The following PRDM16 variants were observed in gnomAD, a reference collection of about 807,000 sequenced individuals.
PRDM16 encodes PR/SET domain 16, also known as histone-lysine N-methyltransferase PRDM16.
A neutral mutation model predicts 110.6 loss-of-function variants in PRDM16; 23 were observed. That is an observed-to-expected ratio of 0.21 (90% CI 0.15 to 0.29). PRDM16 has a LOEUF of 0.29. Ranked by LOEUF, PRDM16 falls within the 10% of genes least tolerant of loss-of-function variation. The pLI, the probability that PRDM16 is intolerant of heterozygous loss-of-function variation, is 1.00. For missense variants in PRDM16, 1,615 were observed against 1,794.3 expected, an observed-to-expected ratio of 0.90 and a Z score of 1.81; for synonymous variants, 799 against 781.8, an observed-to-expected ratio of 1.02 and a Z score of -0.37.
At chr1:3,427,942 G>C (rs537665924) in intron 14 of PRDM16, among the ~76,000 whole-genome samples, 31 of 152,152 alleles carry the variant, frequency 2.0e-4, no homozygotes, top group Admixed American at 3.9e-4. Context: ...CTGCAGCTGC[G>C]TGTCAGACCC....
At chr1:3,321,454 G>C (rs1355042845) in intron 3 of PRDM16, among the ~76,000 whole-genome samples, 2 of 151,526 alleles carry the variant, frequency 1.3e-5, no homozygotes, top group Non-Finnish European at 2.9e-5. Context: ...GTGTTTGTGG[G>C]GGGCACATGT....
chr1:3,411,919 G>T lies in PRDM16; in HGVS notation c.1722G>T (p.Gly574=), dbSNP rs1306848691. The T allele has an allele frequency of 1.2e-6, 2 of 1,613,618 alleles. No individual in the cohort carries two copies. The highest frequency in any genetic ancestry group is 1.7e-6 in the Non-Finnish European group (2 of 1,179,912). Residue 574 remains glycine, a synonymous_variant, in exon 9 of 17, where the codon GGG becomes GGT. Transcript: ENST00000270722. ...NSSQGTTAAA[G]PEEKFESRLE... ...GCCAGGGCACGACGGCAGCTGCGGG[G>T]CCCGAGGAGAAGTTCGAGAGCCGCC...
intron 3 of PRDM16, among the ~76,000 whole-genome samples, chr1:3,381,084 T>C (rs1001028017): frequency 6.6e-6 from 1 of 152,186 alleles, no homozygotes; most frequent in Non-Finnish European, 1.5e-5. Context: ...CGCTTCAATG[T>C]CCTCCTGCTG....
chr1:3,082,376 A>G (rs980531531), intron 1 of PRDM16, among the ~76,000 whole-genome samples: 3 of 152,194 alleles, frequency 2.0e-5, no homozygotes, highest in Non-Finnish European at 4.4e-5. Flanking sequence ...CCCATCTGCA[A>G]CTGGACTCAG....
intron 1 of PRDM16, among the ~76,000 whole-genome samples, chr1:3,129,997 C>T (rs776288728): frequency 2.0e-5 from 3 of 152,216 alleles, no homozygotes; most frequent in Non-Finnish European, 4.4e-5. Flanking sequence ...ACCAGCTGGG[C>T]TGGGAGGGCA....
In PRDM16 at chr1:3,425,719, C is replaced by T. The variant is rs201430814; in HGVS notation, c.3078C>T (p.His1026=). ...CFGQQTNLDR[H]LKKHEHENAP... ...GGCAGCAGACCAACCTGGACCGGCA[C>T]CTCAAGAAGCACGAGCACGAGAACG... The change falls in exon 13 of 17, where the codon CAC becomes CAT. Residue 1026 remains histidine, a synonymous_variant. Coordinates refer to ENST00000270722, the MANE Select transcript of PRDM16 (RefSeq NM_022114.4). This position sits in a 1 kb window ranked among gnomAD's most constrained non-coding sequence, Gnocchi z 6.9. 6.2e-7 allele frequency: 1 copy of T among 1,613,798 alleles called. No individual in the cohort carries two copies. The highest frequency in any genetic ancestry group is 8.5e-7 in the Non-Finnish European group (1 of 1,179,946).
At chr1:3,189,747 G>A (rs965815378) in intron 2 of PRDM16, among the ~76,000 whole-genome samples, 1 of 152,216 alleles carries the variant, frequency 6.6e-6, no homozygotes, top group African/African-American at 2.4e-5. Context: ...GCTCAGAAGT[G>A]GGATTCCCCT....
chr1:3,214,016 C>G (rs1462497967), intron 2 of PRDM16, among the ~76,000 whole-genome samples: 4 of 152,144 alleles, frequency 2.6e-5, no homozygotes, highest in Non-Finnish European at 5.9e-5. Flanking sequence ...GGGTCCGCCT[C>G]GGCTGGAATC....
chr1:3,223,375 G>A (rs1461373125), intron 2 of PRDM16, among the ~76,000 whole-genome samples: 1 of 152,124 alleles, frequency 6.6e-6, no homozygotes, highest in African/African-American at 2.4e-5. Flanking sequence ...AAGCGCTGCT[G>A]ATGAGCCGAA....
intron 3 of PRDM16, among the ~76,000 whole-genome samples, chr1:3,361,198 C>G (rs1642706794): frequency 6.6e-6 from 1 of 152,204 alleles, no homozygotes. Context: ...CCCCTTTAAA[C>G]CAAGCAGCTG....
chr1:3,233,314 G>A (rs1487642866), intron 2 of PRDM16, among the ~76,000 whole-genome samples: 2 of 152,184 alleles, frequency 1.3e-5, no homozygotes, highest in Admixed American at 6.5e-5. Context: ...AGTGGACCTG[G>A]GAGGGCACAT....
intron 3 of PRDM16, among the ~76,000 whole-genome samples, chr1:3,253,192 A>C (rs866442261): frequency 1.3e-5 from 2 of 151,664 alleles, no homozygotes; most frequent in African/African-American, 4.8e-5. Context: ...TCTTTTTTTT[A>C]ATTTAATTTA....
Position 3,143,441 on chromosome 1 carries a change from G to A in PRDM16, c.38-42684G>A, listed in dbSNP as rs1643589906. Among the ~76,000 whole-genome samples, 1 of 152,108 alleles carries A rather than the reference G, an allele frequency of 6.6e-6. No homozygotes were observed. Among genetic ancestry groups the A allele is most frequent in the South Asian group, 2.1e-4 (1 of 4,814 alleles). On this transcript the variant is annotated intron_variant, in intron 1 of 16. Coordinates refer to ENST00000270722, the MANE Select transcript of PRDM16 (RefSeq NM_022114.4). The surrounding 1 kb of genome is among the most constrained non-coding windows in gnomAD (Gnocchi z 4.5). ...TCTCTCCACCCCTTCTTTCTTCTCA[G>A]CAAAGCAAATGACATTTGAAACTTT...
At chr1:3,318,481 C>T (rs1391251457) in intron 3 of PRDM16, among the ~76,000 whole-genome samples, 4 of 152,136 alleles carry the variant, frequency 2.6e-5, no homozygotes, top group Non-Finnish European at 1.5e-5. Context: ...GATTGATTAT[C>T]AATTGATTAT....
At chr1:3,146,197 A>C (rs1643647944) in intron 1 of PRDM16, among the ~76,000 whole-genome samples, 1 of 151,442 alleles carries the variant, frequency 6.6e-6, no homozygotes, top group Non-Finnish European at 1.5e-5. Context: ...GCCCACCCCA[A>C]CTCCTTACCC....
chr1:3,314,503 C>T (rs549215822), intron 3 of PRDM16, among the ~76,000 whole-genome samples: 1 of 152,200 alleles, frequency 6.6e-6, no homozygotes, highest in African/African-American at 2.4e-5. Flanking sequence ...AGTCCCCCAG[C>T]CTCCCCACAT....
intron 1 of PRDM16, among the ~76,000 whole-genome samples, chr1:3,072,023 A>G (rs1375445574): frequency 6.6e-6 from 1 of 152,170 alleles, no homozygotes; most frequent in African/African-American, 2.4e-5. Context: ...AGAGGTGGCC[A>G]CTGGGGCACC....
intron 3 of PRDM16, among the ~76,000 whole-genome samples, chr1:3,357,750 C>T (rs1402015418): frequency 2.6e-5 from 4 of 152,238 alleles, no homozygotes; most frequent in African/African-American, 9.6e-5. Flanking sequence ...CTCTGACCCC[C>T]AGGGGACACT....
At chr1:3,275,325 T>G (rs1364909470) in intron 3 of PRDM16, among the ~76,000 whole-genome samples, 3 of 152,122 alleles carry the variant, frequency 2.0e-5, no homozygotes, top group African/African-American at 7.2e-5. Context: ...ATATCGGGAA[T>G]GAAAAAGTGG....
Sources: gnomAD v4.1 joint callset for allele counts (sites outside exome capture counted in the v4.1 genomes callset) on GRCh38, gnomAD v4.1.1 for gene constraint, Gnocchi (gnomAD v3.1) non-coding constraint, MANE v1.5 for transcripts, NCBI Gene and HGNC (gene_info 2026-07-23, HGNC 2026-07-21) for gene names.